COP1: variants seen among roughly 807,000 people sequenced by gnomAD.
The protein encoded by COP1 is E3 ubiquitin-protein ligase COP1.
In COP1, 24 loss-of-function variants were observed where a neutral mutation model predicts 101.3. The observed-to-expected ratio is 0.24, with a 90% CI of 0.17 to 0.33. The LOEUF (loss-of-function observed/expected upper bound fraction) is 0.33. COP1 is among the 10% of genes least tolerant of loss of function. COP1 has a pLI of 1.00. For missense variants in COP1, 663 were observed against 906.2 expected, an observed-to-expected ratio of 0.73 and a Z score of 3.45; for synonymous variants, 347 against 341.9, an observed-to-expected ratio of 1.01 and a Z score of -0.17.
At chr1:175,971,694 T>G (rs148324826) in intron 18 of COP1, among the ~76,000 whole-genome samples, 1 of 152,332 alleles carries the variant, frequency 6.6e-6, no homozygotes, top group African/African-American at 2.4e-5. Context: ...TTAATGGAAT[T>G]TGGCTGTAAA....
At chr1:176,055,865 T>C (rs1240973426) in intron 11 of COP1, among the ~76,000 whole-genome samples, 2 of 152,202 alleles carry the variant, frequency 1.3e-5, no homozygotes, top group Non-Finnish European at 2.9e-5. Context: ...TTTACTTTGT[T>C]CTTTCTCTAA....
At chr1:176,002,394 G>A (rs555406281) in intron 15 of COP1, among the ~76,000 whole-genome samples, 8 of 151,630 alleles carry the variant, frequency 5.3e-5, no homozygotes, top group African/African-American at 1.9e-4. Flanking sequence ...TAGGGTACAT[G>A]TGCACATAGT....
intron 16 of COP1, chr1:175,988,639 C>G: frequency 2.6e-6 from 1 of 388,436 alleles, no homozygotes; most frequent in Non-Finnish European, 4.6e-6. Context: ...TCGAGACCAG[C>G]CTGGCCAACA....
At chr1:176,189,935 G>A (rs928250586) in intron 1 of COP1, among the ~76,000 whole-genome samples, 2 of 151,710 alleles carry the variant, frequency 1.3e-5, no homozygotes, top group Non-Finnish European at 2.9e-5. Context: ...TATTTTAAAA[G>A]GGAGGTTAAA....
At chr1:175,966,280 T>TACACACACACACACAC (rs66711924) in intron 18 of COP1, among the ~76,000 whole-genome samples, 2 of 150,166 alleles carry the variant, frequency 1.3e-5, no homozygotes, top group Admixed American at 6.6e-5. Flanking sequence ...GTGTTTGCAA[T>TACACACACACACACAC]ACACACACAC....
rs185993844 is a variant in COP1, at chr1:175,995,234, A to G, written c.1730-5755T>C. 3.0e-3 allele frequency among the ~76,000 whole-genome samples: 456 copies of G among 152,330 alleles called. 2 individuals are homozygous for G. Among genetic ancestry groups the G allele is most frequent in the African/African-American group, 0.01 (428 of 41,566 alleles). On this transcript the variant is annotated intron_variant, in intron 15 of 19. Transcript: ENST00000367669. ...CACAACATACCAGAATCTCTGGGAC[A>G]CATTCAAAGCAGTCTGTAGAGGGAA...
At chr1:176,009,706 T>C (rs947591431) in intron 15 of COP1, among the ~76,000 whole-genome samples, 8 of 152,210 alleles carry the variant, frequency 5.3e-5, no homozygotes, top group African/African-American at 1.7e-4. Context: ...TATTATGCCA[T>C]CATATTGTTA....
chr1:175,966,985 G>T (rs535107475), intron 18 of COP1, among the ~76,000 whole-genome samples: 5 of 152,012 alleles, frequency 3.3e-5, no homozygotes, highest in Non-Finnish European at 7.4e-5. Flanking sequence ...CATCACAAAG[G>T]AACACTTTCA....
In COP1 at chr1:176,205,236, GTAGAAGTGCAA is replaced by G. The variant is rs563206689; in HGVS notation, c.407+1325_407+1335del. Reference sequence around the variant, plus strand: ...ATTAGCTACTCGCACTATCGACTGTGTAGAAGTGCAAACACTTCTCAGCCCCAACCATAAAC... The same window carrying G: ...ATTAGCTACTCGCACTATCGACTGTGACACTTCTCAGCCCCAACCATAAAC... On this transcript the variant is annotated intron_variant, in intron 1 of 19. Transcript: ENST00000367669. Among the ~76,000 whole-genome samples the G allele has an allele frequency of 3.3e-5, 5 of 152,272 alleles. No individual in the cohort carries two copies. The South Asian group carries it at 1.0e-3, about 32-fold the overall frequency.
intron 11 of COP1, among the ~76,000 whole-genome samples, chr1:176,055,794 T>A (rs1673371533): frequency 1.3e-5 from 2 of 152,246 alleles, no homozygotes; most frequent in Admixed American, 1.3e-4. Flanking sequence ...ATTTAGTAAT[T>A]GTTTTTTCAT....
chr1:176,183,985 C>T (rs1245929771), intron 2 of COP1, among the ~76,000 whole-genome samples: 1 of 151,862 alleles, frequency 6.6e-6, no homozygotes, highest in Non-Finnish European at 1.5e-5. Flanking sequence ...TTCAGTTTTG[C>T]ACAAAAAGTT....
chr1:176,110,143 C>T (rs1244013446), intron 9 of COP1, among the ~76,000 whole-genome samples: 1 of 152,110 alleles, frequency 6.6e-6, no homozygotes, highest in Non-Finnish European at 1.5e-5. Flanking sequence ...TACTATTTAT[C>T]TTGTCTTAGA....
rs952389554 is a variant in COP1, at chr1:176,058,408, T to C, written c.1278-12084A>G. Among the ~76,000 whole-genome samples the C allele has an allele frequency of 7.7e-3, 1,176 of 152,296 alleles. 14 individuals carry two copies. The highest frequency in any genetic ancestry group is 0.027 in the African/African-American group (1,121 of 41,570). ...AGAAGTAGACATGGGAGACTTTTCATTTTGCTCTGTACTAAGAAAAATTCT... is the reference window on the plus strand; with the variant it reads ...AGAAGTAGACATGGGAGACTTTTCACTTTGCTCTGTACTAAGAAAAATTCT... On this transcript the variant is annotated intron_variant, in intron 11 of 19. Coordinates refer to ENST00000367669, the MANE Select transcript of COP1 (RefSeq NM_022457.7).
chr1:176,175,724 T>C (rs1696844194), intron 3 of COP1, among the ~76,000 whole-genome samples, 186 bp downstream of exon 3: 1 of 152,158 alleles, frequency 6.6e-6, no homozygotes, highest in African/African-American at 2.4e-5. Flanking sequence ...TTAATAAAAC[T>C]TAAAAATAAT....
At chr1:176,105,458 AGTTACATTG>A (rs1166174481) in intron 9 of COP1, among the ~76,000 whole-genome samples, 1 of 152,186 alleles carries the variant, frequency 6.6e-6, no homozygotes, top group Non-Finnish European at 1.5e-5. Flanking sequence ...AAATATCTCT[AGTTACATTG>A]GTTTTCTCAG....
At chr1:175,956,504 AC>A (rs1373966197) in intron 18 of COP1, among the ~76,000 whole-genome samples, 2 of 152,100 alleles carry the variant, frequency 1.3e-5, no homozygotes, top group Non-Finnish European at 2.9e-5. Flanking sequence ...GAAAAAAAAA[AC>A]CCTGATAAAT....
Position 176,141,735 on chromosome 1 carries a change from C to CTT in COP1, c.832-5190_832-5189dup, listed in dbSNP as rs113303187. Among the ~76,000 whole-genome samples, 8 of 142,278 alleles carry CTT rather than the reference C, an allele frequency of 5.6e-5. 1 individual carries two copies. Among genetic ancestry groups the CTT allele is most frequent in the African/African-American group, 1.8e-4 (7 of 38,874 alleles). The allele number at this position is 142,278 out of a possible 152,430, so 93.3% of individuals were successfully genotyped here. On this transcript the variant is annotated intron_variant, in intron 6 of 19. Coordinates refer to ENST00000367669, the MANE Select transcript of COP1 (RefSeq NM_022457.7). ...ACCCTTTCATAGCACTTTTTCTTTT[C>CTT]TTTTTTTTTTTTTAAGACAGGGACT...
chr1:175,993,423 G>A (rs923680632), intron 15 of COP1, among the ~76,000 whole-genome samples: 3 of 152,180 alleles, frequency 2.0e-5, no homozygotes, highest in African/African-American at 4.8e-5. Flanking sequence ...AGAGAAGAAG[G>A]TTTCAGATGA....
chr1:176,007,861 G>C (rs993793043), intron 15 of COP1, among the ~76,000 whole-genome samples: 3 of 152,234 alleles, frequency 2.0e-5, no homozygotes, highest in Non-Finnish European at 4.4e-5. Context: ...TTCAGCTGTG[G>C]TGGGCTCCAC....
Sources: gnomAD v4.1 joint callset for allele counts (sites outside exome capture counted in the v4.1 genomes callset) on GRCh38, gnomAD v4.1.1 for gene constraint, MANE v1.5 for transcripts, NCBI Gene and HGNC (gene_info 2026-07-23, HGNC 2026-07-21) for gene names.